The following C6 variants were observed in gnomAD, a reference collection of about 807,000 sequenced individuals.
C6 encodes complement C6.
Under a neutral mutation model 112.9 loss-of-function variants are expected in C6, and 101 were observed. That is an observed-to-expected ratio of 0.89 (90% CI 0.76 to 1.06). C6 has a LOEUF of 1.06. Among genes scored for constraint, C6 ranks in the 50% least tolerant of loss-of-function variants. The probability of loss-of-function intolerance (pLI) is 0.00; values close to 1 mark genes in which losing one functional copy is unlikely to be tolerated. For missense variants in C6, 1,202 were observed against 1,104.6 expected (o/e 1.09, Z -1.25); for synonymous variants, 431 against 384.1 (o/e 1.12, Z -1.43).
intron 1 of C6, among the ~76,000 whole-genome samples, chr5:41,231,832 T>C (rs1561193794): frequency 6.6e-6 from 1 of 152,056 alleles, no homozygotes; most frequent in Admixed American, 6.6e-5. Flanking sequence ...AAATCACATG[T>C]TCCTAATTAA....
chr5:41,186,408 T>C, intron 5 of C6, 200 bp from the exon 6 acceptor site: 1 of 596,398 alleles, frequency 1.7e-6, no homozygotes, highest in Non-Finnish European at 3.0e-6. Flanking sequence ...ACTCAGCTTC[T>C]CTGGCTCTAT....
At chr5:41,194,971 A>G (rs1209707603) in intron 5 of C6, among the ~76,000 whole-genome samples, 2 of 152,332 alleles carry the variant, frequency 1.3e-5, no homozygotes, top group East Asian at 1.9e-4. Context: ...GCATGAAATC[A>G]TGGAAAAAGC....
chr5:41,226,165 A>T (rs1561189409), intron 1 of C6, among the ~76,000 whole-genome samples: 1 of 152,214 alleles, frequency 6.6e-6, no homozygotes, highest in Non-Finnish European at 1.5e-5. Context: ...GTCAACAGGC[A>T]ACCTACAGAA....
At chr5:41,189,264 C>T (rs192052051) in intron 5 of C6, among the ~76,000 whole-genome samples, 8 of 152,056 alleles carry the variant, frequency 5.3e-5, no homozygotes, top group Non-Finnish European at 1.5e-5. Context: ...CCCTGCAATT[C>T]CATTCCTAAG....
chr5:41,240,458 C>T (rs1179182018), intron 1 of C6, among the ~76,000 whole-genome samples: 4 of 152,054 alleles, frequency 2.6e-5, no homozygotes, highest in Admixed American at 2.6e-4. Flanking sequence ...ATAGTATGGG[C>T]CATGGCAGTA....
At chr5:41,171,227 A>G (rs1748399792) in intron 9 of C6, among the ~76,000 whole-genome samples, 1 of 152,160 alleles carries the variant, frequency 6.6e-6, no homozygotes, top group African/African-American at 2.4e-5. Context: ...GTTACTTATT[A>G]GATATAGAAA....
Position 41,159,269 on chromosome 5 carries a change from A to T in C6, c.1685-16T>A. On this transcript the variant is annotated splice_polypyrimidine_tract_variant and intron_variant, in intron 11 of 17. Transcript: ENST00000337836. ...TCTACTGCATCTGGAACAAAGGAAGACTCACTCCCATGGATCATGGTGCAG... is the reference window on the plus strand; with the variant it reads ...TCTACTGCATCTGGAACAAAGGAAGTCTCACTCCCATGGATCATGGTGCAG... 1 of 1,611,398 alleles carries T rather than the reference A, an allele frequency of 6.2e-7. No individual in the cohort carries two copies. Among genetic ancestry groups the T allele is most frequent in the Non-Finnish European group, 8.5e-7 (1 of 1,178,770 alleles).
chr5:41,224,474 T>C (rs548693563), intron 1 of C6, among the ~76,000 whole-genome samples: 79 of 152,264 alleles, frequency 5.2e-4, no homozygotes, highest in African/African-American at 1.9e-3. Context: ...TCCTTATTCT[T>C]CACATTTCAT....
rs770465687 is a variant in C6, at chr5:41,195,909, T to C, written c.470A>G (p.Glu157Gly). The change falls in exon 5 of 18, where the codon GAA becomes GGA. Residue 157 changes from glutamate to glycine, a missense_variant. Coordinates refer to ENST00000337836, the MANE Select transcript of C6 (RefSeq NM_000065.5). ...TCCACAGTCATTTTCTCCATTGCAT[T>C]CTAACTTTCTGGCAATGCAGCGGCC... ...DSGRCIARKL[E>G]CNGENDCGDN... The C allele has an allele frequency of 3.7e-6, 6 of 1,613,876 alleles. No individual in the cohort carries two copies. The South Asian group carries it at 6.6e-5, about 18-fold the overall frequency.
At chr5:41,202,238 G>A (rs553646906) in intron 2 of C6, among the ~76,000 whole-genome samples, 4 of 152,278 alleles carry the variant, frequency 2.6e-5, no homozygotes, top group East Asian at 3.9e-4. Context: ...TGGAGGAAGC[G>A]ACATGTGCAA....
At chr5:41,222,364 T>A (rs1739226649) in intron 1 of C6, among the ~76,000 whole-genome samples, 1 of 152,032 alleles carries the variant, frequency 6.6e-6, no homozygotes, top group South Asian at 2.1e-4. Context: ...TTTAATTTTT[T>A]AAATATTACA....
intron 10 of C6, 128 bp from the exon 11 acceptor site, chr5:41,160,495 A>G (rs953486196): frequency 1.3e-6 from 1 of 749,198 alleles, no homozygotes; most frequent in African/African-American, 1.7e-5. Flanking sequence ...TTATTGCAGA[A>G]TATAGTATTG....
intron 1 of C6, among the ~76,000 whole-genome samples, chr5:41,209,771 C>T (rs377278605): frequency 1.1e-3 from 165 of 152,246 alleles, no homozygotes; most frequent in African/African-American, 3.9e-3. Context: ...GAATCAATAT[C>T]GTGAAAATGG....
intron 5 of C6, among the ~76,000 whole-genome samples, chr5:41,194,390 C>T (rs1029040439): frequency 6.6e-6 from 1 of 152,126 alleles, no homozygotes; most frequent in Non-Finnish European, 1.5e-5. Context: ...TCTAGTTCTA[C>T]ATTAGAACCA....
At chr5:41,228,371 A>AGGGT (rs1452265567) in intron 1 of C6, among the ~76,000 whole-genome samples, 1 of 152,118 alleles carries the variant, frequency 6.6e-6, no homozygotes, top group Non-Finnish European at 1.5e-5. Flanking sequence ...TGCAGTCTTT[A>AGGGT]GGGTTTTCTA....
intron 4 of C6, among the ~76,000 whole-genome samples, chr5:41,196,628 C>T (rs1750642231): frequency 6.6e-6 from 1 of 150,944 alleles, no homozygotes. Context: ...ATAATTAGTA[C>T]AGATTTTATT....
chr5:41,233,308 A>T (rs564466932), intron 1 of C6, among the ~76,000 whole-genome samples: 13 of 152,132 alleles, frequency 8.5e-5, no homozygotes, highest in Non-Finnish European at 1.5e-4. Flanking sequence ...GGCACAAAAG[A>T]TATGGGATAT....
At chr5:41,189,508 T>C (rs1209378786) in intron 5 of C6, among the ~76,000 whole-genome samples, 6 of 152,046 alleles carry the variant, frequency 3.9e-5, no homozygotes, top group African/African-American at 1.4e-4. Flanking sequence ...TTTTTAAAAA[T>C]TGTCACATAA....
intron 1 of C6, among the ~76,000 whole-genome samples, chr5:41,254,831 A>G: frequency 6.6e-6 from 1 of 152,342 alleles, no homozygotes; most frequent in South Asian, 2.1e-4. Context: ...CTAGTCCTGC[A>G]AGAGTTTATG....
Sources: allele counts gnomAD v4.1 joint callset (sites outside exome capture counted in the v4.1 genomes callset), GRCh38; gene constraint gnomAD v4.1.1; transcripts MANE v1.5; gene names NCBI Gene and HGNC (gene_info 2026-07-23, HGNC 2026-07-21).